Variants in TENM1 observed in about 807,000 individuals in gnomAD.
TENM1 encodes the protein teneurin-1.
TENM1 carries 35 observed loss-of-function variants against 174.8 expected under a neutral mutation model. That is an observed-to-expected ratio of 0.20 (90% CI 0.15 to 0.27). TENM1 has a LOEUF of 0.27. Among genes scored for constraint, TENM1 ranks in the 10% least tolerant of loss-of-function variants. The pLI is 1.00. For missense variants in TENM1, 1,633 were observed against 2,130.1 expected (o/e 0.77, Z 4.59); for synonymous variants, 781 against 798.7 (o/e 0.98, Z 0.37).
intron 3 of TENM1, among the ~76,000 whole-genome samples, chrX:124,769,659 T>G (rs188586594): frequency 8.9e-6 from 1 of 112,441 alleles, no homozygotes; most frequent in East Asian, 2.8e-4. Flanking sequence ...GATACTTTAG[T>G]AAATATTTGT....
the TENM1 span, among the ~76,000 whole-genome samples, chrX:124,978,695 G>A: frequency 9.0e-5 from 10 of 111,728 alleles, no homozygotes; most frequent in Non-Finnish European, 1.3e-4. Context: ...TTGCGCAGAG[G>A]TTGTGCTCAC....
intron 14 of TENM1, among the ~76,000 whole-genome samples, chrX:124,550,223 A>C (rs2048529736): frequency 1.8e-5 from 2 of 111,559 alleles, no homozygotes; most frequent in Admixed American, 9.5e-5. Context: ...ACTTATGCCT[A>C]CTAATTGTAT....
At chrX:125,159,138 G>A in the TENM1 span, among the ~76,000 whole-genome samples, 3 of 111,571 alleles carry the variant, frequency 2.7e-5, no homozygotes, top group Non-Finnish European at 1.9e-5. Flanking sequence ...AAATGGTCAT[G>A]GAGGTCCACA....
intron 11 of TENM1, among the ~76,000 whole-genome samples, chrX:124,610,198 A>C (rs1186038360): frequency 1.8e-5 from 2 of 112,224 alleles, no homozygotes; most frequent in Admixed American, 9.4e-5. Flanking sequence ...ATCCTATAGC[A>C]ATTTGGCTGT....
chrX:124,519,227 C>A (rs776296977), intron 18 of TENM1, among the ~76,000 whole-genome samples: 1 of 111,534 alleles, frequency 9.0e-6, no homozygotes, highest in Non-Finnish European at 1.9e-5. Flanking sequence ...GTGAGGCTAC[C>A]GATGGTATTT....
intron 1 of TENM1, among the ~76,000 whole-genome samples, chrX:124,916,090 C>T (rs1300008656): frequency 9.0e-6 from 1 of 111,502 alleles, no homozygotes; most frequent in Non-Finnish European, 1.9e-5. Flanking sequence ...TACAGTGATT[C>T]CCCCAGTGAC....
At chrX:124,921,655 C>A (rs1230114807) in intron 1 of TENM1, among the ~76,000 whole-genome samples, 3 of 111,414 alleles carry the variant, frequency 2.7e-5, no homozygotes, top group Admixed American at 1.9e-4. Flanking sequence ...CTCTTCCTAA[C>A]CCCATGAGAT....
intron 1 of TENM1, among the ~76,000 whole-genome samples, chrX:124,932,084 T>A (rs944414501): frequency 6.3e-5 from 7 of 111,628 alleles, no homozygotes; most frequent in Non-Finnish European, 1.1e-4. Flanking sequence ...TTAAGGCCAA[T>A]GAGAATAAAT....
intron 19 of TENM1, among the ~76,000 whole-genome samples, chrX:124,502,300 A>G (rs773747892): frequency 1.6e-3 from 175 of 112,818 alleles, no homozygotes; most frequent in Non-Finnish European, 2.5e-3. Flanking sequence ...GCCCCCCCCA[A>G]AGCCAACTTT....
chrX:124,910,570 T>C (rs2057820790), intron 1 of TENM1, among the ~76,000 whole-genome samples: 1 of 112,082 alleles, frequency 8.9e-6, no homozygotes, highest in South Asian at 3.7e-4. Context: ...TGATAGTATA[T>C]TGACAAAACA....
intron 3 of TENM1, among the ~76,000 whole-genome samples, chrX:124,876,557 C>T (rs1346164932): frequency 1.8e-5 from 2 of 111,467 alleles, no homozygotes; most frequent in East Asian, 5.6e-4. Flanking sequence ...CCAAAAAAAT[C>T]TTTAAAAGAT....
intron 3 of TENM1, among the ~76,000 whole-genome samples, chrX:124,755,325 GT>G (rs2148590275): frequency 9.1e-6 from 1 of 109,857 alleles, no homozygotes; most frequent in Admixed American, 9.7e-5. Context: ...GCCTTTTTTT[GT>G]TTTCCATTTG....
chrX:124,913,475 A>G (rs761727303), intron 1 of TENM1, among the ~76,000 whole-genome samples: 1 of 111,989 alleles, frequency 8.9e-6, no homozygotes, highest in South Asian at 3.7e-4. Flanking sequence ...ATAATGACCA[A>G]TATATGGTAC....
At chrX:124,977,444 G>A in the TENM1 span, among the ~76,000 whole-genome samples, 1 of 111,216 alleles carries the variant, frequency 9.0e-6, no homozygotes, top group African/African-American at 3.3e-5. Context: ...TTTACTGTTT[G>A]TTTTTCTAAA....
At chrX:124,889,396 A>T (rs1039963614) in intron 3 of TENM1, among the ~76,000 whole-genome samples, 1 of 111,803 alleles carries the variant, frequency 8.9e-6, no homozygotes, top group African/African-American at 3.2e-5. Flanking sequence ...AGAAATATGA[A>T]CTAAGGTTTT....
chrX:124,878,732 T>C (rs2057251497), intron 3 of TENM1, among the ~76,000 whole-genome samples: 1 of 111,567 alleles, frequency 9.0e-6, no homozygotes, highest in East Asian at 2.8e-4. Flanking sequence ...GGTATCTTTA[T>C]AGCAACAAAA....
chrX:124,632,064 C>A (rs1407073328), intron 11 of TENM1, among the ~76,000 whole-genome samples: 1 of 106,744 alleles, frequency 9.4e-6, no homozygotes, highest in Non-Finnish European at 1.9e-5. Context: ...AGGAGCATGC[C>A]GCCACACTCA....
At chrX:124,990,700 G>A in the TENM1 span, among the ~76,000 whole-genome samples, 6 of 112,047 alleles carry the variant, frequency 5.4e-5, no homozygotes, top group Non-Finnish European at 1.1e-4. Flanking sequence ...TATATAGGAG[G>A]GATGACACAT....
chrX:124,662,860 G>A (rs2051648031), intron 6 of TENM1, among the ~76,000 whole-genome samples: 1 of 112,084 alleles, frequency 8.9e-6, no homozygotes, highest in Non-Finnish European at 1.9e-5. Flanking sequence ...GTATGTGTAT[G>A]TATGCATGTT....
Sources: allele counts gnomAD v4.1 joint callset (sites outside exome capture counted in the v4.1 genomes callset), GRCh38; gene constraint gnomAD v4.1.1; transcripts MANE v1.5; gene names NCBI Gene and HGNC (gene_info 2026-07-23, HGNC 2026-07-21).